The following ITGA6 variants were observed in gnomAD, a reference collection of about 807,000 sequenced individuals.
ITGA6 encodes integrin subunit alpha 6, also known as integrin alpha-6.
A neutral mutation model predicts 133.6 loss-of-function variants in ITGA6; 63 were observed. The ratio of observed to expected loss-of-function variants is 0.47; its 90% CI spans 0.38 to 0.58. The LOEUF is 0.58. Among genes scored for constraint, ITGA6 ranks in the 20% least tolerant of loss-of-function variants. The pLI is 0.00. For synonymous variants in ITGA6, 434 were observed against 482.0 expected (o/e 0.90, Z 1.30); for missense variants, 1,068 against 1,309.4 (o/e 0.82, Z 2.85).
At chr2:172,479,778 T>A (rs754586444) in intron 10 of ITGA6, 39 bp downstream of exon 10, 7 of 1,542,206 alleles carry the variant, frequency 4.5e-6, no homozygotes, top group Non-Finnish European at 6.3e-6. Flanking sequence ...CCCCTCAGTT[T>A]CCCACCTCCA....
intron 1 of ITGA6, chr2:172,464,660 G>A (rs1685572038): frequency 6.6e-6 from 1 of 152,336 alleles, no homozygotes; most frequent in Admixed American, 6.5e-5. Flanking sequence ...GTGAGATGGT[G>A]AAATTTTAAG....
At chr2:172,476,561 A>G (rs1403722387) in intron 9 of ITGA6, 48 bp downstream of exon 9, 3 of 1,121,138 alleles carry the variant, frequency 2.7e-6, no homozygotes, top group African/African-American at 3.1e-5. Flanking sequence ...TAATCAGGTT[A>G]TACTAAAATG....
chr2:172,469,244 G>A lies in ITGA6; in HGVS notation c.507G>A (p.Gly169=). 6.2e-7 allele frequency: 1 copy of A among 1,614,164 alleles called. No homozygotes were observed. Among genetic ancestry groups the A allele is most frequent in the Non-Finnish European group, 8.5e-7 (1 of 1,180,010 alleles). ...QNLRIEDDMD[G]GDWSFCDGRL... is the part of the protein sequence containing the mutation. ...TCAGGATTGAAGACGATATGGATGG[G>A]GGAGATTGGAGCTTTTGTGATGGGC... Residue 169 remains glycine (G), a synonymous_variant, in exon 4 of 26, where the codon GGG becomes GGA. Transcript: ENST00000684293.
intron 1 of ITGA6, among the ~76,000 whole-genome samples, chr2:172,435,616 CTTTT>C (rs58005683): frequency 7.3e-5 from 6 of 82,250 alleles, no homozygotes; most frequent in Admixed American, 1.5e-4. Context: ...AGTTTTGTTT[CTTTT>C]TTTTTTTTTT....
At chr2:172,486,952 C>T in intron 13 of ITGA6, 71 bp from the exon 14 acceptor site, 1 of 804,514 alleles carries the variant, frequency 1.2e-6, no homozygotes, top group Non-Finnish European at 2.2e-6. Context: ...GTGGAATAGC[C>T]AGTCACCTAC....
Position 172,465,573 on chromosome 2 carries a change from C to T in ITGA6, c.217C>T (p.Pro73Ser), listed in dbSNP as rs551513063. The T allele has an allele frequency of 6.2e-7, 1 of 1,614,244 alleles. No homozygotes were observed. The highest frequency in any genetic ancestry group is 2.2e-5 in the East Asian group (1 of 44,888). ...GGGGGCCCCGCGGGCAGAAGCGCTT[C>T]CACTGCAGAGAGCCAACAGAACGGG... is the stretch of plus-strand genomic sequence containing the variant. ...LVGAPRAEAL[P>S]LQRANRTGGL... Residue 73 changes from proline to serine, a missense_variant, in exon 2 of 26, where the codon CCA (proline) becomes TCA (serine). Physicochemically the swap from Pro to Ser is moderately conservative, Grantham distance 74. This residue lies in a region of ITGA6 where 142 missense variants were observed against 145.3 expected (regional missense o/e 0.98). Transcript: ENST00000684293.
chr2:172,443,156 T>A (rs1441748783), intron 1 of ITGA6, among the ~76,000 whole-genome samples: 1 of 152,232 alleles, frequency 6.6e-6, no homozygotes, highest in Non-Finnish European at 1.5e-5. Flanking sequence ...AGCAAATATG[T>A]ACATAGATTT....
chr2:172,500,024 TTACTTTA>T (rs1249065695), intron 24 of ITGA6, among the ~76,000 whole-genome samples: 1 of 152,204 alleles, frequency 6.6e-6, no homozygotes, highest in Non-Finnish European at 1.5e-5. Context: ...AGCATTTTTA[TTACTTTA>T]TACTTTTATT....
intron 5 of ITGA6, chr2:172,473,039 G>T: frequency 1.6e-6 from 1 of 609,010 alleles, no homozygotes. Context: ...GGGGCTCTGT[G>T]GCCAGATGGT....
intron 20 of ITGA6, chr2:172,490,692 G>T (rs997674434): frequency 2.8e-5 from 9 of 324,352 alleles, no homozygotes; most frequent in Middle Eastern, 1.1e-3. Flanking sequence ...CTGGAGGCTA[G>T]GGATACAGGA....
At chr2:172,493,996 A>G (rs1687026864) in intron 23 of ITGA6, among the ~76,000 whole-genome samples, 1 of 152,204 alleles carries the variant, frequency 6.6e-6, no homozygotes, top group African/African-American at 2.4e-5. Flanking sequence ...TACTGGTCTC[A>G]TATCTAGAAC....
intron 1 of ITGA6, chr2:172,428,398 C>G (rs12475252): frequency 6.6e-6 from 1 of 152,360 alleles, no homozygotes; most frequent in African/African-American, 2.4e-5. Flanking sequence ...CCAGGATGGT[C>G]TAGGCCTTTC....
chr2:172,445,695 T>G lies in ITGA6; in HGVS notation c.182+17725T>G, dbSNP rs191747448. Among the ~76,000 whole-genome samples the G allele has an allele frequency of 3.6e-3, 550 of 151,944 alleles. 3 individuals are homozygous for G. The highest frequency in any genetic ancestry group is 0.013 in the African/African-American group (532 of 41,484). On this transcript the variant is annotated intron_variant, in intron 1 of 25. Coordinates refer to ENST00000684293, the MANE Select transcript of ITGA6 (RefSeq NM_000210.4). Reference sequence around the variant, plus strand: ...AAAAAAAAGCCTGAAAGACCTCTTTTGGTTTTGCTTTTTGCTTTGTCTTTG... The same window carrying G: ...AAAAAAAAGCCTGAAAGACCTCTTTGGGTTTTGCTTTTTGCTTTGTCTTTG...
intron 19 of ITGA6, among the ~76,000 whole-genome samples, 172 bp downstream of exon 19, chr2:172,488,400 T>G (rs1380926711): frequency 6.6e-6 from 1 of 152,232 alleles, no homozygotes; most frequent in Non-Finnish European, 1.5e-5. Flanking sequence ...TAGTAAAAAT[T>G]TTATCCTCCA....
intron 1 of ITGA6, among the ~76,000 whole-genome samples, chr2:172,448,356 C>T (rs1421174527): frequency 6.6e-6 from 1 of 151,940 alleles, no homozygotes; most frequent in African/African-American, 2.4e-5. Flanking sequence ...AGAGCAAGAT[C>T]TGGGAGCCCA....
chr2:172,485,186 C>G lies in ITGA6; in HGVS notation c.1776C>G (p.Ser592Arg). 4 of 1,613,742 alleles carry G rather than the reference C, an allele frequency of 2.5e-6. No homozygotes were observed. Among genetic ancestry groups the G allele is most frequent in the Non-Finnish European group, 3.4e-6 (4 of 1,179,598 alleles). ...ITASVEIQEPSSRRRVNSLPE... is the reference protein window; with the variant it reads ...ITASVEIQEPRSRRRVNSLPE... ...CCTCAGTGGAGATCCAAGAGCCAAG[C>G]TCTCGTAGGCGAGTGAATTCACTTC... The change falls in exon 13 of 26, where the codon AGC becomes AGG. Residue 592 changes from serine to arginine, a missense_variant. Transcript: ENST00000684293.
At chr2:172,465,861 C>A in intron 2 of ITGA6, 198 bp downstream of exon 2, 1 of 762,322 alleles carries the variant, frequency 1.3e-6, no homozygotes, top group Non-Finnish European at 2.2e-6. Context: ...GCGTGTTTTG[C>A]TGCTCCTCCT....
intron 1 of ITGA6, among the ~76,000 whole-genome samples, chr2:172,449,794 G>A (rs146206319): frequency 0.016 from 2,384 of 152,122 alleles, 66 homozygotes; most frequent in African/African-American, 0.054. Context: ...GGTGGCACAT[G>A]CCTGTAATCC....
intron 1 of ITGA6, among the ~76,000 whole-genome samples, chr2:172,445,354 CAAAAA>C (rs1027666620): frequency 9.5e-6 from 1 of 104,816 alleles, no homozygotes; most frequent in South Asian, 3.2e-4. Flanking sequence ...TTTTTTTTAA[CAAAAA>C]AAAAAAAAGG....
Sources: gnomAD v4.1 joint callset for allele counts (sites outside exome capture counted in the v4.1 genomes callset) on GRCh38, gnomAD v4.1.1 for gene constraint, gnomAD v4.1.1 regional missense constraint, MANE v1.5 for transcripts, NCBI Gene and HGNC (gene_info 2026-07-23, HGNC 2026-07-21) for gene names.